Variants in KCTD16 observed in about 807,000 individuals in gnomAD.
The protein encoded by KCTD16 is BTB/POZ domain-containing protein KCTD16.
In KCTD16, 13 loss-of-function variants were observed where a neutral mutation model predicts 33.2. The ratio of observed to expected loss-of-function variants is 0.39; its 90% CI spans 0.25 to 0.62. The LOEUF (loss-of-function observed/expected upper bound fraction) is 0.62. Ranked by LOEUF, KCTD16 falls within the 20% of genes least tolerant of loss-of-function variation. KCTD16 has a pLI of 0.50. For missense variants in KCTD16, 441 were observed against 525.1 expected, an observed-to-expected ratio of 0.84 and a Z score of 1.57; for synonymous variants, 197 against 195.3, an observed-to-expected ratio of 1.01 and a Z score of -0.07.
At chr5:144,218,084 A>G (rs1438643940) in intron 3 of KCTD16, among the ~76,000 whole-genome samples, 1 of 152,164 alleles carries the variant, frequency 6.6e-6, no homozygotes, top group Non-Finnish European at 1.5e-5. Flanking sequence ...GTGGGCTTTT[A>G]TATGTCTTCT....
At chr5:144,417,531 T>C (rs550546399) in intron 3 of KCTD16, among the ~76,000 whole-genome samples, 2 of 152,308 alleles carry the variant, frequency 1.3e-5, no homozygotes, top group South Asian at 4.1e-4. Context: ...AGATAGATGA[T>C]TTGCAGTATT....
At chr5:144,289,817 T>C (rs891108278) in intron 3 of KCTD16, among the ~76,000 whole-genome samples, 1 of 151,796 alleles carries the variant, frequency 6.6e-6, no homozygotes, top group African/African-American at 2.4e-5. Context: ...CTAATCTCAG[T>C]TTCCAATAAG....
At chr5:144,358,961 G>A (rs1217100931) in intron 3 of KCTD16, among the ~76,000 whole-genome samples, 1 of 152,144 alleles carries the variant, frequency 6.6e-6, no homozygotes, top group Non-Finnish European at 1.5e-5. Context: ...ACCATAACAG[G>A]TGTCCTGTGC....
intron 3 of KCTD16, among the ~76,000 whole-genome samples, chr5:144,358,455 A>G (rs533547056): frequency 2.0e-5 from 3 of 152,336 alleles, no homozygotes; most frequent in South Asian, 2.1e-4. Flanking sequence ...TTGAACTCAT[A>G]TATTTATTGA....
intron 3 of KCTD16, among the ~76,000 whole-genome samples, chr5:144,437,377 G>A (rs1256867378): frequency 6.6e-6 from 1 of 152,104 alleles, no homozygotes; most frequent in East Asian, 1.9e-4. Context: ...GGTTAATAGT[G>A]TGGATTCAGG....
chr5:144,396,467 A>G (rs1298559991), intron 3 of KCTD16, among the ~76,000 whole-genome samples: 1 of 152,192 alleles, frequency 6.6e-6, no homozygotes, highest in African/African-American at 2.4e-5. Context: ...ATATACTTGA[A>G]TAAAACTCGG....
At position 144,255,904 on chromosome 5, in the gene KCTD16, TTAAG is replaced by T. The variant is rs373161590; in HGVS notation, c.832+48360_832+48363del. 2.5e-4 allele frequency among the ~76,000 whole-genome samples: 38 copies of T among 152,302 alleles called. 1 individual carries two copies. In the East Asian group the frequency reaches 7.3e-3, roughly 29 times the overall value. ...ATGATAAAATAGAAATTTGGAGAAA[TTAAG>T]TGACTAGTTGAGATTACCCAACTAC... On this transcript the variant is annotated intron_variant, in intron 3 of 3. Transcript: ENST00000512467.
intron 3 of KCTD16, among the ~76,000 whole-genome samples, chr5:144,283,008 G>C (rs901903388): frequency 5.9e-5 from 9 of 151,958 alleles, no homozygotes; most frequent in African/African-American, 2.2e-4. Context: ...CCCTTTCCTG[G>C]TACCCTGGCC....
At chr5:144,466,996 A>G (rs13356010) in intron 3 of KCTD16, among the ~76,000 whole-genome samples, 5 of 47,054 alleles carry the variant, frequency 1.1e-4, no homozygotes, top group East Asian at 3.2e-3. Context: ...CACTATATAT[A>G]TTATATATAT....
intron 3 of KCTD16, among the ~76,000 whole-genome samples, chr5:144,274,740 T>C (rs1447951529): frequency 6.6e-6 from 1 of 152,192 alleles, no homozygotes; most frequent in Non-Finnish European, 1.5e-5. Context: ...AGTATGTTCT[T>C]TTCTTATAAT....
chr5:144,365,096 G>A (rs560373553), intron 3 of KCTD16, among the ~76,000 whole-genome samples: 6 of 151,666 alleles, frequency 4.0e-5, no homozygotes, highest in Non-Finnish European at 8.8e-5. Context: ...GCAGAGAAGT[G>A]AGCTTATCTA....
chr5:144,246,048 A>G (rs1342388089), intron 3 of KCTD16, among the ~76,000 whole-genome samples: 1 of 152,214 alleles, frequency 6.6e-6, no homozygotes, highest in Non-Finnish European at 1.5e-5. Flanking sequence ...TCCTAAGGAC[A>G]GTCAGTGAGC....
chr5:144,458,134 A>G (rs1754112137), intron 3 of KCTD16, among the ~76,000 whole-genome samples: 1 of 152,204 alleles, frequency 6.6e-6, no homozygotes, highest in African/African-American at 2.4e-5. Flanking sequence ...AAATTTATTT[A>G]TTTAAGTGGT....
intron 3 of KCTD16, among the ~76,000 whole-genome samples, chr5:144,397,988 A>G (rs889973562): frequency 5.3e-5 from 8 of 152,248 alleles, no homozygotes; most frequent in Admixed American, 2.6e-4. Context: ...GAAGTCTTCA[A>G]TCCCAGATCT....
intron 3 of KCTD16, among the ~76,000 whole-genome samples, chr5:144,251,135 A>C (rs1231705897): frequency 2.0e-5 from 3 of 152,158 alleles, no homozygotes; most frequent in African/African-American, 7.2e-5. Context: ...GAAATATAAG[A>C]GATAAACCTG....
At chr5:144,354,833 A>G (rs1339479636) in intron 3 of KCTD16, among the ~76,000 whole-genome samples, 1 of 152,176 alleles carries the variant, frequency 6.6e-6, no homozygotes, top group Admixed American at 6.6e-5. Context: ...ATAGACTGCT[A>G]TTCTAGGGTT....
rs1301460305 is a variant in KCTD16, at chr5:144,476,701, C to G, written c.*2587C>G. 6.6e-6 allele frequency: 1 copy of G among 151,984 alleles called. No individual in the cohort carries two copies. Among genetic ancestry groups the G allele is most frequent in the African/African-American group, 2.4e-5 (1 of 41,378 alleles). 9.4% of individuals were successfully genotyped at this position (151,984 alleles called of 1,614,324 possible). A position where few individuals can be genotyped will look rare whatever the true frequency, so the allele number is the denominator to read the frequency against. ...TGGCCAGTAAAAGGCTCTGAGGAGGCTTAAAGTACCTAGTTTGAGTGGAGT... is the reference window on the plus strand; with the variant it reads ...TGGCCAGTAAAAGGCTCTGAGGAGGGTTAAAGTACCTAGTTTGAGTGGAGT... On this transcript the variant is annotated 3_prime_UTR_variant, in exon 4 of 4. Transcript: ENST00000512467.
At chr5:144,464,687 TTAC>T (rs1204510487) in intron 3 of KCTD16, among the ~76,000 whole-genome samples, 61 of 144,126 alleles carry the variant, frequency 4.2e-4, no homozygotes, top group African/African-American at 1.5e-3. Flanking sequence ...CATCCTCCTC[TTAC>T]TCCTCTTCTT....
intron 3 of KCTD16, among the ~76,000 whole-genome samples, chr5:144,402,895 A>G (rs1394569887): frequency 6.6e-6 from 1 of 152,240 alleles, no homozygotes; most frequent in East Asian, 1.9e-4. Context: ...TTTGGAGGTT[A>G]GAAGTTCAAA....
Sources: gnomAD v4.1 joint callset for allele counts (sites outside exome capture counted in the v4.1 genomes callset) on GRCh38, gnomAD v4.1.1 for gene constraint, MANE v1.5 for transcripts, NCBI Gene and HGNC (gene_info 2026-07-23, HGNC 2026-07-21) for gene names.